The following TPRG1 variants were observed in gnomAD, a reference collection of about 807,000 sequenced individuals.
TPRG1 encodes tumor protein p63 regulated 1.
In TPRG1, 29 loss-of-function variants were observed where a neutral mutation model predicts 29.3. The observed-to-expected ratio is 0.99, with a 90% CI of 0.74 to 1.35. The LOEUF is 1.35. Ranked by LOEUF, TPRG1 falls within the 40% of genes most tolerant of loss-of-function variation. The pLI is 0.00. For synonymous variants in TPRG1, 130 were observed against 116.8 expected, an observed-to-expected ratio of 1.11 and a Z score of -0.73; for missense variants, 327 against 335.0, an observed-to-expected ratio of 0.98 and a Z score of 0.19.
intron 4 of TPRG1, among the ~76,000 whole-genome samples, chr3:189,272,723 C>T (rs1715416237): frequency 4.7e-4 from 68 of 143,718 alleles, no homozygotes; most frequent in African/African-American, 1.8e-3. Flanking sequence ...CTCCTTCCTT[C>T]CTTCCTTCCT....
chr3:189,244,999 C>T (rs971142371), intron 4 of TPRG1, among the ~76,000 whole-genome samples: 2 of 152,170 alleles, frequency 1.3e-5, no homozygotes, highest in African/African-American at 4.8e-5. Flanking sequence ...TGGCTCACCG[C>T]AGCCTCCACC....
At chr3:189,088,631 A>G (rs1412034837) in intron 4 of TPRG1, among the ~76,000 whole-genome samples, 1 of 152,170 alleles carries the variant, frequency 6.6e-6, no homozygotes, top group East Asian at 1.9e-4. Flanking sequence ...ATGTAATTAA[A>G]CTTATAATAA....
chr3:189,247,845 A>C (rs1343382582), intron 4 of TPRG1, among the ~76,000 whole-genome samples: 4 of 151,944 alleles, frequency 2.6e-5, no homozygotes, highest in African/African-American at 9.7e-5. Context: ...CAAGGTATGA[A>C]TACTACCTGG....
At chr3:189,295,780 G>A (rs1373293879) in intron 4 of TPRG1, among the ~76,000 whole-genome samples, 1 of 151,936 alleles carries the variant, frequency 6.6e-6, no homozygotes, top group East Asian at 1.9e-4. Flanking sequence ...TTGTCTTTCT[G>A]GCTCTTACAG....
chr3:189,170,462 C>A (rs1260610879), upstream of TPRG1, among the ~76,000 whole-genome samples: 1 of 152,222 alleles, frequency 6.6e-6, no homozygotes, highest in Non-Finnish European at 1.5e-5. Context: ...CACCGCTGTG[C>A]AGCCTTCCTG....
chr3:189,222,095 A>G (rs567416389), intron 3 of TPRG1, among the ~76,000 whole-genome samples: 1 of 152,000 alleles, frequency 6.6e-6, no homozygotes, highest in African/African-American at 2.4e-5. Flanking sequence ...TCAGGGGTTC[A>G]TTGGGCAGGT....
intron 4 of TPRG1, among the ~76,000 whole-genome samples, chr3:189,262,996 G>A (rs920190231): frequency 2.0e-5 from 3 of 152,244 alleles, no homozygotes; most frequent in Admixed American, 6.5e-5. Flanking sequence ...AGAATGAGAC[G>A]TTGAGCAAAA....
intron 3 of TPRG1, chr3:189,219,535 ATT>A: frequency 8.8e-7 from 1 of 1,133,638 alleles, no homozygotes; most frequent in East Asian, 6.2e-5. Flanking sequence ...AAAAAAAAAG[ATT>A]ATTTTAAAAA....
At chr3:189,181,703 T>A (rs1730244620) in intron 1 of TPRG1, among the ~76,000 whole-genome samples, 1 of 152,194 alleles carries the variant, frequency 6.6e-6, no homozygotes, top group African/African-American at 2.4e-5. Context: ...TCCTGTCTTC[T>A]TTCGAGCCCT....
intron 5 of TPRG1, among the ~76,000 whole-genome samples, chr3:189,318,803 TGG>T (rs918323080): frequency 7.9e-5 from 12 of 152,284 alleles, no homozygotes; most frequent in African/African-American, 2.6e-4. Flanking sequence ...CTAAAGAACA[TGG>T]TTTAAAAATT....
At chr3:189,151,903 G>C (rs949156261) in intron 5 of TPRG1, among the ~76,000 whole-genome samples, 7 of 151,990 alleles carry the variant, frequency 4.6e-5, no homozygotes, top group African/African-American at 1.7e-4. Context: ...TTGATTACTT[G>C]ATCCTCCATT....
At chr3:189,187,251 G>A (rs1264741818) in intron 1 of TPRG1, among the ~76,000 whole-genome samples, 1 of 151,700 alleles carries the variant, frequency 6.6e-6, no homozygotes, top group East Asian at 1.9e-4. Flanking sequence ...GCCTCCCAAA[G>A]TGCTGGGATT....
At chr3:189,046,382 C>G (rs1018530536) in intron 4 of TPRG1, among the ~76,000 whole-genome samples, 28 of 152,290 alleles carry the variant, frequency 1.8e-4, no homozygotes, top group African/African-American at 6.3e-4. Flanking sequence ...AGATCTGCTT[C>G]TCAGGAGAGT....
chr3:189,103,703 G>T (rs1719477122), intron 1 of TPRG1, among the ~76,000 whole-genome samples: 1 of 152,110 alleles, frequency 6.6e-6, no homozygotes, highest in Non-Finnish European at 1.5e-5. Flanking sequence ...ATATAATCAG[G>T]GGGTCTAAGA....
chr3:189,148,742 A>G (rs1725568655), intron 4 of TPRG1, among the ~76,000 whole-genome samples: 1 of 152,248 alleles, frequency 6.6e-6, no homozygotes, highest in Admixed American at 6.5e-5. Flanking sequence ...AATATGAAAA[A>G]CAAGTGTCGG....
chr3:189,297,977 G>A (rs1720230883), intron 4 of TPRG1, among the ~76,000 whole-genome samples: 1 of 152,084 alleles, frequency 6.6e-6, no homozygotes, highest in Non-Finnish European at 1.5e-5. Context: ...CTCTGGGCCT[G>A]GGTGGAAATG....
chr3:189,135,640 T>G (rs1723658464), intron 3 of TPRG1, among the ~76,000 whole-genome samples: 2 of 152,242 alleles, frequency 1.3e-5, no homozygotes, highest in African/African-American at 4.8e-5. Context: ...GCTCAGAGCC[T>G]TTAATAGGCA....
At chr3:189,222,073 C>T (rs1737023309) in intron 3 of TPRG1, among the ~76,000 whole-genome samples, 1 of 151,820 alleles carries the variant, frequency 6.6e-6, no homozygotes. Flanking sequence ...CTTTTGTTTG[C>T]AGGGAATAGG....
intron 1 of TPRG1, among the ~76,000 whole-genome samples, chr3:189,125,162 T>C (rs1722304913): frequency 1.3e-5 from 2 of 152,256 alleles, no homozygotes; most frequent in South Asian, 4.1e-4. Flanking sequence ...TTGTTTTTAA[T>C]GTTTACTTTA....
Sources: gnomAD v4.1 joint callset for allele counts (sites outside exome capture counted in the v4.1 genomes callset) on GRCh38, gnomAD v4.1.1 for gene constraint, MANE v1.5 for transcripts, NCBI Gene and HGNC (gene_info 2026-07-23, HGNC 2026-07-21) for gene names.